The following SNTG2 variants were observed in gnomAD, a reference collection of about 807,000 sequenced individuals.
SNTG2 encodes the protein syntrophin gamma 2, also known as gamma-2-syntrophin.
Under a neutral mutation model 70.9 loss-of-function variants are expected in SNTG2, and 74 were observed. The ratio of observed to expected loss-of-function variants is 1.04; its 90% confidence interval spans 0.86 to 1.27. The LOEUF is 1.27. SNTG2 is among the 50% of genes most tolerant of loss of function. SNTG2 has a pLI of 0.00. For synonymous variants in SNTG2, 278 were observed against 273.8 expected (o/e 1.02, Z -0.15); for missense variants, 717 against 690.7 (o/e 1.04, Z -0.43).
At chr2:989,879 C>T (rs547884300) in intron 1 of SNTG2, among the ~76,000 whole-genome samples, 15 of 152,352 alleles carry the variant, frequency 9.8e-5, no homozygotes, top group East Asian at 7.7e-4. Flanking sequence ...ACTCTGTCAA[C>T]GCGCTTGTCA....
intron 8 of SNTG2, among the ~76,000 whole-genome samples, chr2:1,194,921 C>T (rs1181706631): frequency 1.3e-5 from 2 of 152,154 alleles, no homozygotes; most frequent in Non-Finnish European, 2.9e-5. Context: ...TGTTCCCCTC[C>T]CTGTGTCCAT....
chr2:1,104,793 T>G (rs1219793994), intron 4 of SNTG2, among the ~76,000 whole-genome samples: 1 of 152,234 alleles, frequency 6.6e-6, no homozygotes, highest in African/African-American at 2.4e-5. Flanking sequence ...TCCGGCTGTT[T>G]GCTGTGGTTT....
chr2:1,131,273 T>C (rs1344871455), intron 4 of SNTG2, among the ~76,000 whole-genome samples: 1 of 152,220 alleles, frequency 6.6e-6, no homozygotes, highest in Non-Finnish European at 1.5e-5. Flanking sequence ...GTTCGGCTAG[T>C]GTTTCTTTCT....
intron 1 of SNTG2, among the ~76,000 whole-genome samples, chr2:998,760 G>A (rs1470250923): frequency 6.6e-6 from 1 of 152,036 alleles, no homozygotes; most frequent in East Asian, 1.9e-4. Flanking sequence ...TGGAGATTTA[G>A]ACCTCCAGAT....
intron 14 of SNTG2, among the ~76,000 whole-genome samples, chr2:1,272,958 G>A (rs1161206958): frequency 1.3e-5 from 2 of 152,188 alleles, no homozygotes; most frequent in African/African-American, 4.8e-5. Context: ...ACAGTTTCAC[G>A]AGATCACGTT....
chr2:1,361,996 T>C (rs113013688), intron 16 of SNTG2, among the ~76,000 whole-genome samples: 1 of 131,464 alleles, frequency 7.6e-6, no homozygotes, highest in African/African-American at 2.8e-5. Flanking sequence ...AAGTCACTGA[T>C]GCTGAGCATT....
intron 2 of SNTG2, among the ~76,000 whole-genome samples, chr2:1,085,836 TC>T (rs1390070671): frequency 4.6e-5 from 7 of 152,242 alleles, no homozygotes; most frequent in Admixed American, 1.3e-4. Context: ...TTGCTTTATT[TC>T]TTTTATAATT....
intron 12 of SNTG2, among the ~76,000 whole-genome samples, chr2:1,250,685 C>G (rs1677703764): frequency 6.6e-6 from 1 of 151,888 alleles, no homozygotes; most frequent in African/African-American, 2.4e-5. Context: ...CTCTCTTTCT[C>G]CATCTGTCTC....
chr2:1,104,188 CCT>C (rs1231616141), intron 4 of SNTG2, among the ~76,000 whole-genome samples: 1 of 152,130 alleles, frequency 6.6e-6, no homozygotes, highest in Non-Finnish European at 1.5e-5. Flanking sequence ...CGGTGCTGCC[CCT>C]CTTTCAAACG....
intron 1 of SNTG2, among the ~76,000 whole-genome samples, chr2:987,214 G>T (rs1276598653): frequency 2.0e-5 from 3 of 152,202 alleles, no homozygotes; most frequent in African/African-American, 7.2e-5. Context: ...TTTGGAGCCT[G>T]GGATGGTTGT....
intron 8 of SNTG2, among the ~76,000 whole-genome samples, chr2:1,183,689 CAACTT>C (rs1672076666): frequency 6.6e-6 from 1 of 152,002 alleles, no homozygotes; most frequent in Admixed American, 6.6e-5. Context: ...ACATATAAAA[CAACTT>C]AAAATATTTT....
intron 1 of SNTG2, among the ~76,000 whole-genome samples, chr2:965,758 G>A (rs1390629464): frequency 6.6e-6 from 1 of 152,082 alleles, no homozygotes; most frequent in Non-Finnish European, 1.5e-5. Context: ...TGTTGTCCAT[G>A]CAGCTGGGCC....
Position 1,094,819 on chromosome 2 carries a change from G to A in SNTG2, c.211-3377G>A, listed in dbSNP as rs1477615772. ...TGGCCTGCAGGCAAAGGCCTTATAG[G>A]TGTGTCCTCATGTGGTAGAGTTACT... On this transcript the variant is annotated intron_variant, in intron 2 of 16. Transcript: ENST00000308624. Among the ~76,000 whole-genome samples the A allele has an allele frequency of 7.5e-5, 6 of 80,524 alleles. 1 individual carries two copies. The highest frequency in any genetic ancestry group is 1.4e-4 in the Non-Finnish European group (6 of 43,358). The allele number at this position is 80,524 out of a possible 152,430, so 52.8% of individuals were successfully genotyped here.
At chr2:1,247,466 A>C in intron 12 of SNTG2, 23 bp downstream of exon 12, 1 of 1,520,528 alleles carries the variant, frequency 6.6e-7, no homozygotes, top group African/African-American at 1.4e-5. Flanking sequence ...TTGACACTCC[A>C]CAGGGAGGGG....
chr2:1,173,193 T>C lies in SNTG2; in HGVS notation c.591+10T>C. The C allele has an allele frequency of 6.2e-7, 1 of 1,611,086 alleles. No homozygotes were observed. Among genetic ancestry groups the C allele is most frequent in the South Asian group, 1.1e-5 (1 of 90,800 alleles). Reference sequence around the variant, plus strand: ...AAACTCCAGTACCACAGTAAGCATATAGATTTTTGTTAAATTTTATTTTAA... The same window carrying C: ...AAACTCCAGTACCACAGTAAGCATACAGATTTTTGTTAAATTTTATTTTAA... On this transcript the variant is annotated intron_variant, in intron 8 of 16. Coordinates refer to ENST00000308624, the MANE Select transcript of SNTG2 (RefSeq NM_018968.4).
chr2:1,300,892 G>A (rs750954020), intron 14 of SNTG2, among the ~76,000 whole-genome samples: 4 of 151,810 alleles, frequency 2.6e-5, no homozygotes, highest in African/African-American at 4.8e-5. Context: ...TGGATTTTTC[G>A]CCACTGCAGC....
intron 13 of SNTG2, among the ~76,000 whole-genome samples, chr2:1,263,131 C>T (rs1213696182): frequency 1.3e-5 from 2 of 152,104 alleles, no homozygotes; most frequent in Non-Finnish European, 2.9e-5. Flanking sequence ...AAGAAGAGTC[C>T]ATTACAACAC....
At chr2:1,224,651 C>T (rs567262918) in intron 9 of SNTG2, among the ~76,000 whole-genome samples, 9 of 152,366 alleles carry the variant, frequency 5.9e-5, no homozygotes, top group South Asian at 2.1e-4. Context: ...ATTCCATGTT[C>T]CCCTCACCTC....
chr2:1,080,344 A>T (rs1664204994), intron 1 of SNTG2, among the ~76,000 whole-genome samples: 1 of 152,144 alleles, frequency 6.6e-6, no homozygotes, highest in African/African-American at 2.4e-5. Context: ...ACTTATTTTT[A>T]TAGGAATTTG....
Sources: allele counts gnomAD v4.1 joint callset (sites outside exome capture counted in the v4.1 genomes callset), GRCh38; gene constraint gnomAD v4.1.1; transcripts MANE v1.5; gene names NCBI Gene and HGNC (gene_info 2026-07-23, HGNC 2026-07-21).